The following SPAG6 variants were observed in gnomAD, a reference collection of about 807,000 sequenced individuals.
SPAG6 encodes sperm-associated antigen 6.
SPAG6 carries 49 observed loss-of-function variants against 58.5 expected under a neutral mutation model. The ratio of observed to expected loss-of-function variants is 0.84; its 90% CI spans 0.67 to 1.06. The LOEUF is 1.06. Among genes scored for constraint, SPAG6 ranks in the 50% least tolerant of loss-of-function variants. The pLI, the probability that SPAG6 is intolerant of heterozygous loss-of-function variation, is 0.00. For synonymous variants in SPAG6, 233 were observed against 225.6 expected, an observed-to-expected ratio of 1.03 and a Z score of -0.29; for missense variants, 560 against 611.3, an observed-to-expected ratio of 0.92 and a Z score of 0.89.
At chr10:22,359,489 G>C (rs375988018) in intron 2 of SPAG6, 1 of 153,886 alleles carries the variant, frequency 6.5e-6, no homozygotes, top group East Asian at 1.9e-4. Context: ...CACCTCCCCG[G>C]ATCAAGTGAT....
intron 4 of SPAG6, among the ~76,000 whole-genome samples, chr10:22,381,983 C>T (rs1833967892): frequency 6.6e-6 from 1 of 152,116 alleles, no homozygotes. Flanking sequence ...CTTAGCCCTT[C>T]GTTAGGAAAA....
In SPAG6 at chr10:22,360,753, TAGAG is replaced by T. The variant is rs558645593; in HGVS notation, c.122-4099_122-4096del. On this transcript the variant is annotated intron_variant, in intron 2 of 10. Transcript: ENST00000376624. ...CCCAGTGATGTCGTTTGCTCCTTAC[TAGAG>T]GCCTTGTTTATCAGATATTGTGGCA... 318 of 1,501,702 alleles carry T rather than the reference TAGAG, an allele frequency of 2.1e-4. 2 individuals are homozygous for T. In the African/African-American group the frequency reaches 4.0e-3, roughly 19 times the overall value. 93.0% of individuals were successfully genotyped at this position (1,501,702 alleles called of 1,614,324 possible).
intron 9 of SPAG6, among the ~76,000 whole-genome samples, chr10:22,407,427 G>A (rs1214971813): frequency 2.0e-5 from 3 of 150,522 alleles, no homozygotes; most frequent in South Asian, 2.1e-4. Context: ...GAAATTCTGG[G>A]TTGAAAATTC....
chr10:22,363,534 A>G (rs945085797), intron 2 of SPAG6, among the ~76,000 whole-genome samples: 10 of 152,314 alleles, frequency 6.6e-5, no homozygotes, highest in Admixed American at 5.9e-4. Context: ...TTAGGCACGA[A>G]ACTAATGACT....
intron 4 of SPAG6, among the ~76,000 whole-genome samples, chr10:22,374,195 A>G (rs1833766651): frequency 6.6e-6 from 1 of 152,170 alleles, no homozygotes; most frequent in Non-Finnish European, 1.5e-5. Flanking sequence ...GACTTTTTAT[A>G]TGAGGCTAGC....
At chr10:22,405,923 G>A (rs1424235125) in intron 9 of SPAG6, among the ~76,000 whole-genome samples, 18 of 152,206 alleles carry the variant, frequency 1.2e-4, no homozygotes, top group South Asian at 6.2e-4. Context: ...GTTTATTTGC[G>A]TAGAGGTGTT....
intron 3 of SPAG6, among the ~76,000 whole-genome samples, chr10:22,365,742 A>G (rs916200130): frequency 6.6e-6 from 1 of 152,222 alleles, no homozygotes; most frequent in East Asian, 1.9e-4. Flanking sequence ...GCCAATTGAA[A>G]AATCGACAAA....
chr10:22,397,529 T>C (rs1834324887), intron 8 of SPAG6, among the ~76,000 whole-genome samples: 1 of 152,152 alleles, frequency 6.6e-6, no homozygotes, highest in Non-Finnish European at 1.5e-5. Flanking sequence ...TTGGCCAGGC[T>C]TGTCTTGAAC....
At chr10:22,364,804 T>G in intron 2 of SPAG6, 49 bp from the exon 3 acceptor site, 1 of 1,471,520 alleles carries the variant, frequency 6.8e-7, no homozygotes, top group Non-Finnish European at 9.3e-7. Context: ...GTATTTTTGC[T>G]TTTTAATTTA....
At chr10:22,378,417 GTT>G (rs35036098) in intron 4 of SPAG6, among the ~76,000 whole-genome samples, 32 of 133,242 alleles carry the variant, frequency 2.4e-4, no homozygotes, top group Admixed American at 5.3e-4. Flanking sequence ...GTCTGGGCAG[GTT>G]TTTTTTTTTT....
intron 8 of SPAG6, among the ~76,000 whole-genome samples, chr10:22,400,926 TC>T (rs1834396182): frequency 6.6e-6 from 1 of 152,196 alleles, no homozygotes; most frequent in Non-Finnish European, 1.5e-5. Context: ...TTTTAAGAGC[TC>T]AGTAATACAC....
intron 4 of SPAG6, among the ~76,000 whole-genome samples, chr10:22,376,504 T>G (rs1406991811): frequency 6.6e-6 from 1 of 152,240 alleles, no homozygotes; most frequent in East Asian, 1.9e-4. Flanking sequence ...TTTGTAGATA[T>G]TTGTTAAAAG....
intron 4 of SPAG6, among the ~76,000 whole-genome samples, chr10:22,378,851 C>T (rs975593191): frequency 1.3e-5 from 2 of 152,110 alleles, no homozygotes; most frequent in African/African-American, 2.4e-5. Context: ...TGAGAGCTGC[C>T]TTCCCTCCCA....
intron 2 of SPAG6, among the ~76,000 whole-genome samples, chr10:22,358,789 T>C (rs1836946972): frequency 6.6e-6 from 1 of 152,248 alleles, no homozygotes; most frequent in Non-Finnish European, 1.5e-5. Flanking sequence ...CAGTTTCAGC[T>C]TTCTACATAT....
In SPAG6 at chr10:22,386,784, C is replaced by G. The variant is rs746867149; in HGVS notation, c.503C>G (p.Ala168Gly). ...TCACAAGCTGTGGTGGATGCAGGAG[C>G]TGTTCCTCTTTTAGTACTCTGTATC... ...ELSQAVVDAG[A>G]VPLLVLCIQE... The change falls in exon 5 of 11, where the codon GCT becomes GGT. Residue 168 changes from alanine to glycine, a missense_variant. Transcript: ENST00000376624. The G allele has an allele frequency of 6.2e-7, 1 of 1,613,556 alleles. No homozygotes were observed. Among genetic ancestry groups the G allele is most frequent in the Non-Finnish European group, 8.5e-7 (1 of 1,179,562 alleles).
chr10:22,388,124 C>G, intron 6 of SPAG6, 128 bp downstream of exon 6: 1 of 723,844 alleles, frequency 1.4e-6, no homozygotes, highest in Non-Finnish European at 2.2e-6. Context: ...TTCTCGTCTT[C>G]TACTGATGTT....
At chr10:22,371,128 C>G (rs966632014) in intron 4 of SPAG6, among the ~76,000 whole-genome samples, 1 of 152,080 alleles carries the variant, frequency 6.6e-6, no homozygotes, top group African/African-American at 2.4e-5. Flanking sequence ...GGCCTGGGAC[C>G]CAGAAGCTCC....
chr10:22,407,129 C>T (rs1163967526), intron 9 of SPAG6, among the ~76,000 whole-genome samples: 1 of 151,012 alleles, frequency 6.6e-6, no homozygotes, highest in East Asian at 1.9e-4. Context: ...AGAATTTAGT[C>T]CATTTACATT....
intron 6 of SPAG6, 78 bp downstream of exon 6, chr10:22,388,074 G>A (rs1037361752): frequency 6.8e-6 from 8 of 1,169,842 alleles, no homozygotes; most frequent in Non-Finnish European, 9.5e-6. Context: ...TTGTTTATAG[G>A]GCCTAGGGGT....
Sources: allele counts gnomAD v4.1 joint callset (sites outside exome capture counted in the v4.1 genomes callset), GRCh38; gene constraint gnomAD v4.1.1; transcripts MANE v1.5; gene names NCBI Gene and HGNC (gene_info 2026-07-23, HGNC 2026-07-21).